FGGY: variants seen among roughly 807,000 people sequenced by gnomAD.
FGGY encodes FGGY carbohydrate kinase domain containing.
FGGY carries 72 observed loss-of-function variants against 71.3 expected under a neutral mutation model. The observed-to-expected ratio is 1.01, with a 90% CI of 0.84 to 1.23. The LOEUF (loss-of-function observed/expected upper bound fraction) is 1.23, where lower values mean the gene tolerates loss of function less well. Ranked by LOEUF, FGGY falls within the 50% of genes most tolerant of loss-of-function variation. FGGY has a pLI of 0.00. For missense variants in FGGY, 668 were observed against 682.3 expected, an observed-to-expected ratio of 0.98 and a Z score of 0.23; for synonymous variants, 251 against 250.3, an observed-to-expected ratio of 1.00 and a Z score of -0.02.
rs77592977 is a variant in FGGY at position 59,432,893 on chromosome 1, G to T, written c.555-24068G>T. On this transcript the variant is annotated intron_variant, in intron 5 of 15. Coordinates refer to ENST00000303721, the MANE Select transcript of FGGY (RefSeq NM_018291.5). Reference sequence around the variant, plus strand: ...AAGTAAACGGCAAAGCTATCGTTCTGACTGGGAGCTCTCTTACTTCAGAGC... The same window carrying T: ...AAGTAAACGGCAAAGCTATCGTTCTTACTGGGAGCTCTCTTACTTCAGAGC... Among the ~76,000 whole-genome samples, 89 of 152,324 alleles carry T rather than the reference G, an allele frequency of 5.8e-4. No individual in the cohort carries two copies. In the East Asian group the frequency reaches 0.014, roughly 23 times the overall value.
At chr1:59,697,321 A>C (rs1359081378) in intron 14 of FGGY, among the ~76,000 whole-genome samples, 1 of 152,184 alleles carries the variant, frequency 6.6e-6, no homozygotes, top group Non-Finnish European at 1.5e-5. Context: ...TGCAAAACTG[A>C]AACTTTACCC....
At chr1:59,603,446 T>C (rs760903538) in intron 8 of FGGY, among the ~76,000 whole-genome samples, 6 of 152,232 alleles carry the variant, frequency 3.9e-5, no homozygotes, top group Non-Finnish European at 1.5e-5. Context: ...ACCTGACTAT[T>C]CCATCATACA....
In FGGY at chr1:59,468,205, C is replaced by T. The variant is rs553899739; in HGVS notation, c.670+11129C>T. Among the ~76,000 whole-genome samples the T allele has an allele frequency of 2.0e-5, 3 of 152,206 alleles. No individual in the cohort carries two copies. The East Asian group carries it at 5.8e-4, about 29-fold the overall frequency. ...GGCATAAGTCACCGCGCCCGACTGG[C>T]TTCAATTGTTTCTAAACCACAATGG... On this transcript the variant is annotated intron_variant, in intron 6 of 15. Coordinates refer to ENST00000303721, the MANE Select transcript of FGGY (RefSeq NM_018291.5).
chr1:59,617,905 C>T (rs1485174291), intron 9 of FGGY, among the ~76,000 whole-genome samples: 1 of 152,088 alleles, frequency 6.6e-6, no homozygotes, highest in Non-Finnish European at 1.5e-5. Flanking sequence ...GAGTGTCTAT[C>T]TGCCTCCTGC....
chr1:59,374,119 C>T (rs530404360), intron 4 of FGGY, among the ~76,000 whole-genome samples: 12 of 152,176 alleles, frequency 7.9e-5, no homozygotes, highest in South Asian at 2.1e-4. Flanking sequence ...AACAGGCAAC[C>T]CACAAAATGG....
intron 14 of FGGY, among the ~76,000 whole-genome samples, chr1:59,678,183 C>T (rs1035234832): frequency 6.6e-6 from 1 of 152,136 alleles, no homozygotes; most frequent in Non-Finnish European, 1.5e-5. Flanking sequence ...ATGCTGCTCT[C>T]ACAGTAAAAA....
chr1:59,761,673 A>G (rs2098341746), intron 15 of FGGY, among the ~76,000 whole-genome samples: 1 of 152,206 alleles, frequency 6.6e-6, no homozygotes. Flanking sequence ...GGTCTAACCC[A>G]AAGAGTCAGC....
chr1:59,614,052 C>T (rs1255828279), intron 9 of FGGY, among the ~76,000 whole-genome samples: 5 of 152,156 alleles, frequency 3.3e-5, no homozygotes, highest in Admixed American at 6.5e-5. Context: ...GATTCACAGC[C>T]GAATTCTACC....
chr1:59,414,866 G>T (rs553011669), intron 5 of FGGY, among the ~76,000 whole-genome samples: 3 of 152,340 alleles, frequency 2.0e-5, no homozygotes, highest in African/African-American at 4.8e-5. Context: ...AGGCAGAAGA[G>T]CCCTCTGGTG....
At chr1:59,486,912 C>T (rs574716526) in intron 6 of FGGY, among the ~76,000 whole-genome samples, 7 of 152,242 alleles carry the variant, frequency 4.6e-5, no homozygotes, top group African/African-American at 1.7e-4. Flanking sequence ...ACATTAATTC[C>T]GGTATTTCTT....
At chr1:59,340,427 C>T (rs1310385107) in intron 3 of FGGY, among the ~76,000 whole-genome samples, 2 of 152,116 alleles carry the variant, frequency 1.3e-5, no homozygotes, top group Admixed American at 6.5e-5. Flanking sequence ...TCTTTGTATA[C>T]GATATTCCTA....
chr1:59,546,721 A>G (rs1350811794), intron 7 of FGGY, among the ~76,000 whole-genome samples: 1 of 151,448 alleles, frequency 6.6e-6, no homozygotes, highest in East Asian at 2.0e-4. Flanking sequence ...AATTTTTTGT[A>G]TTTTTAGTAG....
intron 8 of FGGY, among the ~76,000 whole-genome samples, chr1:59,593,467 C>T (rs1180511693): frequency 1.3e-5 from 2 of 152,164 alleles, no homozygotes; most frequent in Non-Finnish European, 2.9e-5. Context: ...TTACATGACC[C>T]TGCTAATCCT....
intron 11 of FGGY, among the ~76,000 whole-genome samples, chr1:59,642,423 G>A (rs1280783563): frequency 9.2e-5 from 14 of 151,900 alleles, no homozygotes; most frequent in African/African-American, 2.7e-4. Flanking sequence ...TCAGGGGTTC[G>A]AGACCAGCCT....
chr1:59,491,814 T>C (rs1324057471), intron 6 of FGGY, among the ~76,000 whole-genome samples: 1 of 152,124 alleles, frequency 6.6e-6, no homozygotes, highest in Non-Finnish European at 1.5e-5. Context: ...CAATAAGATA[T>C]GAATATTTGA....
chr1:59,354,932 G>A (rs778843143), intron 4 of FGGY, among the ~76,000 whole-genome samples: 1 of 152,212 alleles, frequency 6.6e-6, no homozygotes, highest in Non-Finnish European at 1.5e-5. Flanking sequence ...TCACTGTGGG[G>A]GAGGAAAGCA....
At chr1:59,759,281 G>A (rs774292031) in intron 15 of FGGY, among the ~76,000 whole-genome samples, 1 of 152,096 alleles carries the variant, frequency 6.6e-6, no homozygotes, top group South Asian at 2.1e-4. Flanking sequence ...ATAGAGTCAG[G>A]CTGCTAACCC....
chr1:59,337,684 G>A (rs909118553), intron 2 of FGGY, among the ~76,000 whole-genome samples: 16 of 152,276 alleles, frequency 1.1e-4, no homozygotes, highest in Admixed American at 1.0e-3. Flanking sequence ...TAGAAATCCA[G>A]TTGATATTTA....
intron 14 of FGGY, among the ~76,000 whole-genome samples, chr1:59,701,561 A>G (rs1035480620): frequency 6.6e-6 from 1 of 152,198 alleles, no homozygotes; most frequent in Non-Finnish European, 1.5e-5. Context: ...ACAGTATTGC[A>G]GAAGAGGCAT....
Sources: gnomAD v4.1 joint callset for allele counts (sites outside exome capture counted in the v4.1 genomes callset) on GRCh38, gnomAD v4.1.1 for gene constraint, MANE v1.5 for transcripts, NCBI Gene and HGNC (gene_info 2026-07-23, HGNC 2026-07-21) for gene names.